The following TEX9 variants were observed in gnomAD, a reference collection of about 807,000 sequenced individuals.
TEX9 encodes the protein testis-expressed protein 9.
Under a neutral mutation model 59.6 loss-of-function variants are expected in TEX9, and 74 were observed. The ratio of observed to expected loss-of-function variants is 1.24; its 90% CI spans 1.03 to 1.51. The LOEUF (loss-of-function observed/expected upper bound fraction) is 1.51, where lower values mean the gene tolerates loss of function less well. Among genes scored for constraint, TEX9 ranks in the 40% most tolerant of loss-of-function variants. The pLI is 0.00. For missense variants in TEX9, 522 were observed against 447.8 expected, an observed-to-expected ratio of 1.17 and a Z score of -1.49; for synonymous variants, 186 against 152.2, an observed-to-expected ratio of 1.22 and a Z score of -1.64.
chr15:56,376,695 T>C (rs1340246472), intron 3 of TEX9, among the ~76,000 whole-genome samples: 1 of 152,090 alleles, frequency 6.6e-6, no homozygotes, highest in Non-Finnish European at 1.5e-5. Flanking sequence ...TTTTCTCCCA[T>C]TCTGTGGGTT....
exon 6 of TEX9, chr15:56,389,354 C>G (rs764458362): frequency 1.2e-6 from 2 of 1,610,962 alleles, no homozygotes; most frequent in East Asian, 4.5e-5. Flanking sequence ...AAACAAGGTT[C>G]AAAACAAATT....
chr15:56,252,093 A>G (rs149971282), intron 1 of TEX9, among the ~76,000 whole-genome samples: 2 of 152,104 alleles, frequency 1.3e-5, no homozygotes, highest in Non-Finnish European at 2.9e-5. Context: ...GTTTTCCCTT[A>G]TCCATTCCCT....
chr15:56,308,477 T>A (rs2045532878), intron 1 of TEX9, among the ~76,000 whole-genome samples: 1 of 152,218 alleles, frequency 6.6e-6, no homozygotes, highest in African/African-American at 2.4e-5. Context: ...AGATATATGA[T>A]TTGCAAATGT....
chr15:56,373,055 C>T (rs1368187380), intron 2 of TEX9, among the ~76,000 whole-genome samples: 2 of 152,170 alleles, frequency 1.3e-5, no homozygotes, highest in African/African-American at 4.8e-5. Context: ...CTTCTGCCCA[C>T]ATTAGAGCAG....
At chr15:56,287,600 C>T (rs1396508842) in intron 1 of TEX9, among the ~76,000 whole-genome samples, 1 of 152,048 alleles carries the variant, frequency 6.6e-6, no homozygotes, top group Non-Finnish European at 1.5e-5. Context: ...ACTGTAGTCA[C>T]CATAATGAAT....
rs557607909 is a variant in TEX9 at position 56,383,148 on chromosome 15, G to C, written c.184-804G>C. On this transcript the variant is annotated intron_variant, in intron 3 of 12. Coordinates refer to ENST00000352903, the Ensembl canonical transcript of TEX9. ...CATGGGTACTCAAAGTCTCCGCCCC[G>C]CATGACTTTGCTCTCCACTCTGACA... Among the ~76,000 whole-genome samples, 3 of 152,252 alleles carry C rather than the reference G, an allele frequency of 2.0e-5. No individual in the cohort carries two copies. The South Asian group carries it at 6.2e-4, about 32-fold the overall frequency.
chr15:56,319,926 C>G (rs1170393498), intron 1 of TEX9, among the ~76,000 whole-genome samples: 1 of 152,176 alleles, frequency 6.6e-6, no homozygotes, highest in Non-Finnish European at 1.5e-5. Context: ...CATGTCAAAA[C>G]ATGGTATATG....
At chr15:56,426,605 A>G (rs1359921562) in intron 10 of TEX9, among the ~76,000 whole-genome samples, 1 of 32,812 alleles carries the variant, frequency 3.0e-5, no homozygotes, top group African/African-American at 1.2e-4. Flanking sequence ...ATATATATAT[A>G]TATATATATA....
intron 1 of TEX9, among the ~76,000 whole-genome samples, chr15:56,271,404 C>T (rs1435288805): frequency 6.6e-6 from 1 of 152,136 alleles, no homozygotes; most frequent in African/African-American, 2.4e-5. Flanking sequence ...ATCACTGATA[C>T]CCTTTCTTCC....
chr15:56,374,562 T>C (rs1362165657), intron 3 of TEX9: 2 of 152,198 alleles, frequency 1.3e-5, no homozygotes, highest in African/African-American at 4.8e-5. Flanking sequence ...TATACTATTT[T>C]AGTTAATTTA....
In TEX9 at chr15:56,309,693, G is replaced by GTTTTT. The variant is rs60648387; in HGVS notation, c.-106-63721_-106-63717dup. On this transcript the variant is annotated intron_variant, in intron 1 of 5. Coordinates refer to the TEX9 transcript ENST00000560827. ...TCTGGGCCTGGGATTTTTATGGGAA[G>GTTTTT]TTTTTTTTTTTTTTTTTTTTTTTTT... Among the ~76,000 whole-genome samples, 349 of 60,762 alleles carry GTTTTT rather than the reference G, an allele frequency of 5.7e-3. 36 individuals carry two copies. The highest frequency in any genetic ancestry group is 0.02 in the Middle Eastern group (1 of 50). 39.9% of individuals were successfully genotyped at this position (60,762 alleles called of 152,430 possible).
At chr15:56,363,374 G>A (rs1200671752), upstream of TEX9, among the ~76,000 whole-genome samples, 4 of 150,600 alleles carry the variant, frequency 2.7e-5, no homozygotes, top group African/African-American at 9.8e-5. Flanking sequence ...TCACCATGTT[G>A]GCCAGGCTGG....
intron 1 of TEX9, among the ~76,000 whole-genome samples, chr15:56,351,563 T>C (rs1011213885): frequency 2.6e-5 from 4 of 152,184 alleles, no homozygotes; most frequent in African/African-American, 4.8e-5. Flanking sequence ...AAGGCTTCTT[T>C]GAATGGAGAG....
intron 11 of TEX9, 107 bp from the exon 12 acceptor site, chr15:56,428,260 A>AACTT (rs1268956874): frequency 2.6e-6 from 2 of 764,790 alleles, no homozygotes; most frequent in Non-Finnish European, 4.4e-6. Context: ...CCTACAACAG[A>AACTT]ACTTATATTC....
intron 12 of TEX9, among the ~76,000 whole-genome samples, chr15:56,441,896 T>C (rs1223494602): frequency 6.6e-6 from 1 of 152,020 alleles, no homozygotes; most frequent in East Asian, 1.9e-4. Context: ...GGCGGGTGCC[T>C]GTAGTCCCAG....
chr15:56,280,778 A>C (rs575759190), intron 1 of TEX9, among the ~76,000 whole-genome samples: 1 of 152,328 alleles, frequency 6.6e-6, no homozygotes, highest in African/African-American at 2.4e-5. Flanking sequence ...AAATCATTTA[A>C]ATTCTCAAGC....
At chr15:56,305,792 AG>A (rs1240204782) in intron 1 of TEX9, among the ~76,000 whole-genome samples, 1 of 152,214 alleles carries the variant, frequency 6.6e-6, no homozygotes, top group Non-Finnish European at 1.5e-5. Context: ...CAAATTAAAA[AG>A]CTTCTTGTAG....
At chr15:56,297,600 G>T (rs749374880) in intron 1 of TEX9, among the ~76,000 whole-genome samples, 36 of 152,174 alleles carry the variant, frequency 2.4e-4, no homozygotes, top group Non-Finnish European at 4.9e-4. Flanking sequence ...TGCCTCTCTG[G>T]TTCAAGCGAT....
chr15:56,439,043 G>C (rs144840871), intron 12 of TEX9, among the ~76,000 whole-genome samples: 1 of 152,158 alleles, frequency 6.6e-6, no homozygotes, highest in East Asian at 1.9e-4. Flanking sequence ...AGACATGCCT[G>C]ACTATGTAGG....
Sources: allele counts gnomAD v4.1 joint callset (sites outside exome capture counted in the v4.1 genomes callset), GRCh38; gene constraint gnomAD v4.1.1; transcripts MANE v1.5; gene names NCBI Gene and HGNC (gene_info 2026-07-23, HGNC 2026-07-21).